The following GRM7 variants were observed in gnomAD, a reference collection of about 807,000 sequenced individuals.
GRM7 encodes metabotropic glutamate receptor 7.
A neutral mutation model predicts 84.5 loss-of-function variants in GRM7; 35 were observed. The ratio of observed to expected loss-of-function variants is 0.41; its 90% CI spans 0.32 to 0.55. The LOEUF (loss-of-function observed/expected upper bound fraction) is 0.55, where lower values mean the gene tolerates loss of function less well. Ranked by LOEUF, GRM7 falls within the 20% of genes least tolerant of loss-of-function variation. The pLI is 0.19. For missense variants in GRM7, 1,003 were observed against 1,194.6 expected (o/e 0.84, Z 2.36); for synonymous variants, 487 against 455.1 (o/e 1.07, Z -0.89).
At chr3:7,399,337 C>T (rs894168225) in intron 4 of GRM7, among the ~76,000 whole-genome samples, 2 of 152,106 alleles carry the variant, frequency 1.3e-5, no homozygotes, top group Non-Finnish European at 2.9e-5. Flanking sequence ...GTAAAACTTT[C>T]AACTAGACTG....
intron 5 of GRM7, among the ~76,000 whole-genome samples, chr3:7,431,424 G>T (rs1031259042): frequency 2.0e-5 from 3 of 151,824 alleles, no homozygotes; most frequent in African/African-American, 7.3e-5. Flanking sequence ...AGATTTCTGG[G>T]GGATGAAATA....
chr3:7,681,237 GA>G (rs1056120105), intron 9 of GRM7: 2 of 152,166 alleles, frequency 1.3e-5, no homozygotes, highest in African/African-American at 4.8e-5. Context: ...AGGCAGAAGG[GA>G]TTTCAGGTTA....
At position 6,861,320 on chromosome 3, in the gene GRM7, C is replaced by A. The variant is rs1025740669; in HGVS notation, c.-69C>A. The A allele has an allele frequency of 1.3e-5, 18 of 1,369,180 alleles. No homozygotes were observed. The African/African-American group carries it at 2.6e-4, about 20-fold the overall frequency. The allele number at this position is 1,369,180 out of a possible 1,614,324, so 84.8% of individuals were successfully genotyped here. On this transcript the variant is annotated 5_prime_UTR_variant, in exon 1 of 10. Transcript: ENST00000357716. This position sits in a 1 kb window ranked among gnomAD's most constrained non-coding sequence, Gnocchi z 6.4. ...TCCCGGAGGAGCTCGCCCTGAAGGGCCCGGACCTCGGCGAGCCCACCACCG... is the reference window on the plus strand; with the variant it reads ...TCCCGGAGGAGCTCGCCCTGAAGGGACCGGACCTCGGCGAGCCCACCACCG...
chr3:7,663,238 C>A (rs1699541685), intron 8 of GRM7, among the ~76,000 whole-genome samples: 1 of 152,132 alleles, frequency 6.6e-6, no homozygotes, highest in African/African-American at 2.4e-5. Context: ...GGCTGGGATG[C>A]AGACTCAACT....
chr3:7,022,036 A>G (rs558928257), intron 1 of GRM7, among the ~76,000 whole-genome samples: 5 of 152,158 alleles, frequency 3.3e-5, no homozygotes, highest in African/African-American at 7.2e-5. Flanking sequence ...ACAAAAATAT[A>G]TGCACTCTAG....
intron 4 of GRM7, among the ~76,000 whole-genome samples, chr3:7,398,892 C>T (rs1177989822): frequency 2.0e-5 from 3 of 151,982 alleles, no homozygotes; most frequent in Non-Finnish European, 4.4e-5. Flanking sequence ...CTCCCTCTTT[C>T]TACTTCTCTG....
chr3:6,920,769 G>A (rs571797482), intron 1 of GRM7, among the ~76,000 whole-genome samples: 1 of 152,074 alleles, frequency 6.6e-6, no homozygotes, highest in Non-Finnish European at 1.5e-5. Flanking sequence ...TGACTGAGTT[G>A]TACTTCACGA....
rs536005390 is a variant in GRM7 at position 7,228,997 on chromosome 3, T to A, written c.737-69687T>A. On this transcript the variant is annotated intron_variant, in intron 2 of 9. Transcript: ENST00000357716. ...TTACACAAAATGAAAATATCAAGCT[T>A]TTTCTTTCAAAACCTCATATTATCA... is the stretch of plus-strand genomic sequence containing the variant. 1.1e-4 allele frequency among the ~76,000 whole-genome samples: 16 copies of A among 152,316 alleles called. No homozygotes were observed. The South Asian group carries it at 3.1e-3, about 30-fold the overall frequency.
chr3:7,491,412 G>GTATA (rs59392949), intron 7 of GRM7, among the ~76,000 whole-genome samples: 7,238 of 149,676 alleles, frequency 0.048, 232 homozygotes, highest in Non-Finnish European at 0.06. Context: ...GATTTAGATG[G>GTATA]TATATATATA....
intron 7 of GRM7, among the ~76,000 whole-genome samples, chr3:7,476,144 G>T (rs754303038): frequency 6.6e-6 from 1 of 152,146 alleles, no homozygotes; most frequent in Non-Finnish European, 1.5e-5. Context: ...CCACCTATTG[G>T]TTCTACCAGT....
chr3:7,661,491 G>C (rs371906051), intron 8 of GRM7, among the ~76,000 whole-genome samples: 5 of 152,060 alleles, frequency 3.3e-5, no homozygotes, highest in East Asian at 1.9e-4. Context: ...CTCATACACT[G>C]CTGATAAGAA....
chr3:7,103,749 CCTTTCTTTCTTTCTTT>C (rs55840104), intron 1 of GRM7, among the ~76,000 whole-genome samples: 4,108 of 96,604 alleles, frequency 0.043, 126 homozygotes, highest in Non-Finnish European at 0.054. Context: ...TCTCTCTCTC[CCTTTCTTTCTTTCTTT>C]CTTTCTTTCT....
At chr3:7,382,236 A>G (rs1312332889) in intron 4 of GRM7, among the ~76,000 whole-genome samples, 1 of 152,148 alleles carries the variant, frequency 6.6e-6, no homozygotes, top group Non-Finnish European at 1.5e-5. Context: ...GATGATAATT[A>G]TCAGGTAATC....
rs561615313 is a variant in GRM7, at chr3:6,926,412, T to C, written c.519+64505T>C. ...GACTGATTATAAGTACTGAGCATTA[T>C]TACCTGACAATAATTTTAGTTCCAC... On this transcript the variant is annotated intron_variant, in intron 1 of 9. Coordinates refer to ENST00000357716, the MANE Select transcript of GRM7 (RefSeq NM_000844.4). Among the ~76,000 whole-genome samples the C allele has an allele frequency of 1.6e-4, 25 of 152,342 alleles. No homozygotes were observed. The South Asian group carries it at 2.3e-3, about 14-fold the overall frequency.
chr3:7,673,531 A>AT (rs970986683), intron 8 of GRM7, among the ~76,000 whole-genome samples: 2 of 151,770 alleles, frequency 1.3e-5, no homozygotes, highest in Non-Finnish European at 2.9e-5. Context: ...AAAAAAAAAA[A>AT]AGACCAGAAC....
rs541721962 is a variant in GRM7, at chr3:7,050,318, T to G, written c.520-96134T>G. On this transcript the variant is annotated intron_variant, in intron 1 of 9. Transcript: ENST00000357716. ...AACAAAAGCTTTGCAGACATCCAAC[T>G]GTTCAGTGTCAACTTCATAAACACC... Among the ~76,000 whole-genome samples the G allele has an allele frequency of 4.5e-4, 69 of 152,000 alleles. 1 individual carries two copies. The South Asian group carries it at 0.014, about 32-fold the overall frequency.
intron 1 of GRM7, among the ~76,000 whole-genome samples, chr3:7,081,306 C>T (rs898975087): frequency 6.6e-6 from 1 of 152,032 alleles, no homozygotes; most frequent in African/African-American, 2.4e-5. Context: ...TGGTAATTCT[C>T]ACAATATTTA....
intron 2 of GRM7, among the ~76,000 whole-genome samples, chr3:7,279,936 C>G: frequency 6.6e-6 from 1 of 152,140 alleles, no homozygotes; most frequent in South Asian, 2.1e-4. Context: ...AAAACAGTAG[C>G]CTGTTCCCTT....
chr3:7,377,380 A>C (rs1694395953), intron 4 of GRM7, among the ~76,000 whole-genome samples: 1 of 152,192 alleles, frequency 6.6e-6, no homozygotes, highest in South Asian at 2.1e-4. Context: ...GTTTATCTGA[A>C]ACTGAATCTT....
Sources: allele counts gnomAD v4.1 joint callset (sites outside exome capture counted in the v4.1 genomes callset), GRCh38; gene constraint gnomAD v4.1.1; non-coding constraint Gnocchi (gnomAD v3.1); transcripts MANE v1.5; gene names NCBI Gene and HGNC (gene_info 2026-07-23, HGNC 2026-07-21).